The following ANKRD31 variants were observed in gnomAD, a reference collection of about 807,000 sequenced individuals.
The protein encoded by ANKRD31 is ankyrin repeat domain-containing protein 31.
Under a neutral mutation model 186.0 loss-of-function variants are expected in ANKRD31, and 147 were observed. That is an observed-to-expected ratio of 0.79 (90% CI 0.69 to 0.91). ANKRD31 has a LOEUF of 0.91. Ranked by LOEUF, ANKRD31 falls within the 40% of genes least tolerant of loss-of-function variation. ANKRD31 has a pLI of 0.00. For synonymous variants in ANKRD31, 673 were observed against 736.4 expected (o/e 0.91, Z 1.39); for missense variants, 1,986 against 2,148.8 (o/e 0.92, Z 1.50).
At chr5:75,094,875 C>T (rs1257766411) in intron 22 of ANKRD31, among the ~76,000 whole-genome samples, 2 of 151,934 alleles carry the variant, frequency 1.3e-5, no homozygotes, top group African/African-American at 4.8e-5. Flanking sequence ...CACAAGAAAG[C>T]TGGAATGGCT....
At chr5:75,163,549 T>G (rs1319171305) in intron 11 of ANKRD31, among the ~76,000 whole-genome samples, 2 of 152,198 alleles carry the variant, frequency 1.3e-5, no homozygotes, top group Admixed American at 1.3e-4. Context: ...GCCAGTGTGT[T>G]GACTGCAATC....
intron 10 of ANKRD31, among the ~76,000 whole-genome samples, chr5:75,173,711 C>T (rs1311810292): frequency 2.0e-5 from 3 of 152,094 alleles, no homozygotes; most frequent in South Asian, 2.1e-4. Context: ...AACTATAAAC[C>T]ACTGCTCAAT....
intron 22 of ANKRD31, among the ~76,000 whole-genome samples, chr5:75,098,489 G>A (rs866140148): frequency 3.3e-5 from 5 of 152,072 alleles, no homozygotes; most frequent in South Asian, 2.1e-4. Flanking sequence ...TAGCTTGATG[G>A]GGATGGCATT....
Position 75,230,556 on chromosome 5 carries a change from TC to T in ANKRD31, c.178+5del. 6.5e-7 allele frequency: 1 copy of T among 1,532,978 alleles called. No individual in the cohort carries two copies. The highest frequency in any genetic ancestry group is 8.7e-7 in the Non-Finnish European group (1 of 1,143,352). The allele number at this position is 1,532,978 out of a possible 1,614,324, so 95.0% of individuals were successfully genotyped here. On this transcript the variant is annotated splice_donor_5th_base_variant and intron_variant, in intron 2 of 25. Coordinates refer to ENST00000506364, the MANE Select transcript of ANKRD31 (RefSeq NM_001372053.1). ...GGGACTACTTAATGAAAAGAATCATTCTCACCTTTGCACATTCCTCTTGTAT... is the reference window on the plus strand; with the variant it reads ...GGGACTACTTAATGAAAAGAATCATTTCACCTTTGCACATTCCTCTTGTAT...
At chr5:75,217,189 T>C (rs1757010456) in intron 3 of ANKRD31, among the ~76,000 whole-genome samples, 1 of 152,182 alleles carries the variant, frequency 6.6e-6, no homozygotes, top group Admixed American at 6.5e-5. Context: ...ATGAAAAGAA[T>C]GTATATTCTG....
intron 23 of ANKRD31, among the ~76,000 whole-genome samples, chr5:75,086,905 A>G (rs1745533650): frequency 6.6e-6 from 1 of 152,200 alleles, no homozygotes; most frequent in Non-Finnish European, 1.5e-5. Flanking sequence ...ATACACACAC[A>G]CATGCATGTT....
intron 21 of ANKRD31, among the ~76,000 whole-genome samples, chr5:75,106,500 A>G (rs2150061295): frequency 6.6e-6 from 1 of 152,224 alleles, no homozygotes; most frequent in Non-Finnish European, 1.5e-5. Context: ...AAAGAAATAC[A>G]TAATATCAAA....
intron 17 of ANKRD31, among the ~76,000 whole-genome samples, chr5:75,131,625 C>G (rs1042673822): frequency 2.6e-5 from 4 of 152,322 alleles, no homozygotes; most frequent in African/African-American, 9.6e-5. Flanking sequence ...CTTCGGCAGA[C>G]TTAAACGTCC....
chr5:75,228,603 AC>A (rs1183427311), intron 2 of ANKRD31, among the ~76,000 whole-genome samples: 2 of 152,200 alleles, frequency 1.3e-5, no homozygotes, highest in Non-Finnish European at 1.5e-5. Flanking sequence ...ATAGTGGCAT[AC>A]AAAAGATTAG....
At chr5:75,176,390 T>G (rs1753800463) in intron 10 of ANKRD31, among the ~76,000 whole-genome samples, 1 of 152,116 alleles carries the variant, frequency 6.6e-6, no homozygotes. Context: ...GAGTAGTGGT[T>G]CTCCCAGCAT....
chr5:75,160,016 T>C (rs182756700), intron 11 of ANKRD31, among the ~76,000 whole-genome samples: 6 of 152,176 alleles, frequency 3.9e-5, no homozygotes, highest in East Asian at 1.9e-4. Flanking sequence ...CTTGAATCTA[T>C]AGGAAAACAT....
At chr5:75,236,211 G>C (rs1275473923) in intron 1 of ANKRD31, among the ~76,000 whole-genome samples, 1 of 152,134 alleles carries the variant, frequency 6.6e-6, no homozygotes, top group Non-Finnish European at 1.5e-5. Context: ...CATTTTCCTA[G>C]AACTGAGCTA....
intron 23 of ANKRD31, among the ~76,000 whole-genome samples, chr5:75,086,251 A>G (rs1285228778): frequency 6.6e-6 from 1 of 152,228 alleles, no homozygotes; most frequent in East Asian, 1.9e-4. Flanking sequence ...CAGACAAAGA[A>G]CAGAGTTTTA....
Position 75,191,499 on chromosome 5 carries a change from C to A in ANKRD31, c.1408+1168G>T, listed in dbSNP as rs911752661. ...TGGCTAGTCTCTCATATTTACTTTT[C>A]TAGGTGATATTTAGTATTACTTTGA... is the stretch of plus-strand genomic sequence containing the variant. On this transcript the variant is annotated intron_variant, in intron 9 of 25. Coordinates refer to ENST00000506364, the MANE Select transcript of ANKRD31 (RefSeq NM_001372053.1). Among the ~76,000 whole-genome samples the A allele has an allele frequency of 9.2e-5, 14 of 152,110 alleles. No homozygotes were observed. The East Asian group carries it at 2.7e-3, about 29-fold the overall frequency.
At chr5:75,077,538 G>C (rs1173236833) in intron 25 of ANKRD31, among the ~76,000 whole-genome samples, 1 of 142,094 alleles carries the variant, frequency 7.0e-6, no homozygotes, top group Admixed American at 6.9e-5. Context: ...TTATTAACCT[G>C]AATTGGGTCT....
At chr5:75,171,692 C>T (rs1031788991) in intron 10 of ANKRD31, among the ~76,000 whole-genome samples, 1 of 150,718 alleles carries the variant, frequency 6.6e-6, no homozygotes, top group African/African-American at 2.4e-5. Context: ...TTGAATAATA[C>T]AACTAAAAAA....
At chr5:75,160,612 T>C (rs945400004) in intron 11 of ANKRD31, among the ~76,000 whole-genome samples, 3 of 152,016 alleles carry the variant, frequency 2.0e-5, no homozygotes, top group African/African-American at 7.2e-5. Context: ...ACAAACAAGA[T>C]GAAAGTCAAA....
At chr5:75,109,256 G>T (rs1747577306) in intron 20 of ANKRD31, among the ~76,000 whole-genome samples, 1 of 152,106 alleles carries the variant, frequency 6.6e-6, no homozygotes. Flanking sequence ...TGTTAACAAT[G>T]GCAATTTTCT....
intron 24 of ANKRD31, among the ~76,000 whole-genome samples, chr5:75,083,705 G>T (rs1745262677): frequency 6.6e-6 from 1 of 151,630 alleles, no homozygotes; most frequent in African/African-American, 2.4e-5. Flanking sequence ...ACTCCAGCTT[G>T]GGCAACAAGG....
Sources: gnomAD v4.1 joint callset for allele counts (sites outside exome capture counted in the v4.1 genomes callset) on GRCh38, gnomAD v4.1.1 for gene constraint, MANE v1.5 for transcripts, NCBI Gene and HGNC (gene_info 2026-07-23, HGNC 2026-07-21) for gene names.